USP9X: variants seen among roughly 807,000 people sequenced by gnomAD.
The protein encoded by USP9X is ubiquitin specific peptidase 9 X-linked.
In USP9X, 7 loss-of-function variants were observed where a neutral mutation model predicts 190.3. The observed-to-expected ratio is 0.04, with a 90% CI of 0.02 to 0.07. The LOEUF is 0.07. USP9X is among the 10% of genes least tolerant of loss of function. The pLI, the probability that USP9X is intolerant of heterozygous loss-of-function variation, is 1.00. For synonymous variants in USP9X, 645 were observed against 659.5 expected (o/e 0.98, Z 0.34); for missense variants, 1,010 against 1,916.9 (o/e 0.53, Z 8.83).
intron 1 of USP9X, among the ~76,000 whole-genome samples, chrX:41,089,531 T>C (rs1027803436): frequency 6.3e-5 from 7 of 111,805 alleles, no homozygotes; most frequent in Non-Finnish European, 1.3e-4. Flanking sequence ...GGTGATAGTT[T>C]AGTTGGTGCG....
At chrX:41,151,559 G>GA (rs1355405320) in intron 13 of USP9X, among the ~76,000 whole-genome samples, 2 of 112,191 alleles carry the variant, frequency 1.8e-5, no homozygotes, top group Non-Finnish European at 3.8e-5. Flanking sequence ...CTGATAACAT[G>GA]AAAAGGAAAA....
chrX:41,211,133 A>G (rs1286026580), intron 33 of USP9X, among the ~76,000 whole-genome samples: 1 of 111,842 alleles, frequency 8.9e-6, no homozygotes, highest in African/African-American at 3.2e-5. Flanking sequence ...CTGGGACTAC[A>G]GGCATGTGCC....
At chrX:41,214,274 C>T (rs1339560218) in intron 33 of USP9X, among the ~76,000 whole-genome samples, 2 of 111,809 alleles carry the variant, frequency 1.8e-5, no homozygotes, top group African/African-American at 6.5e-5. Context: ...GCTGTGAGCC[C>T]AGACAGATTC....
chrX:41,141,439 T>C lies in USP9X; in HGVS notation c.1161+8T>C. The C allele has an allele frequency of 8.6e-7, 1 of 1,160,558 alleles. No individual in the cohort carries two copies. The highest frequency in any genetic ancestry group is 2.2e-5 in the South Asian group (1 of 45,857). The stretch of plus-strand genomic sequence containing the variant: ...ACAGCTGAACGAATGGCAGTGAGTC[T>C]TTCAGTTCTTCTTCATAGGAATAAG... On this transcript the variant is annotated splice_region_variant and intron_variant, in intron 9 of 44. Transcript: ENST00000378308.
chrX:41,091,851 T>G (rs1206521895), intron 1 of USP9X, among the ~76,000 whole-genome samples: 1 of 112,131 alleles, frequency 8.9e-6, no homozygotes, highest in Non-Finnish European at 1.9e-5. Flanking sequence ...TATTAAATTC[T>G]CTGTAGTCAC....
At chrX:41,177,292 T>C (rs1602002987) in intron 21 of USP9X, among the ~76,000 whole-genome samples, 1 of 112,703 alleles carries the variant, frequency 8.9e-6, no homozygotes, top group African/African-American at 3.2e-5. Context: ...GGTTCATACA[T>C]TGCATAATTA....
chrX:41,184,762 A>C, intron 23 of USP9X, 87 bp downstream of exon 23: 1 of 807,811 alleles, frequency 1.2e-6, no homozygotes. Context: ...TGTAGAGTTC[A>C]AGGTTGACTC....
At chrX:41,177,874 C>G (rs998331364) in intron 21 of USP9X, among the ~76,000 whole-genome samples, 1 of 109,137 alleles carries the variant, frequency 9.2e-6, no homozygotes, top group African/African-American at 3.3e-5. Context: ...GCTCAATTGT[C>G]CTAGATATGG....
chrX:41,094,432 T>C (rs1379079717), intron 1 of USP9X, among the ~76,000 whole-genome samples: 1 of 109,489 alleles, frequency 9.1e-6, no homozygotes, highest in Non-Finnish European at 1.9e-5. Context: ...TGCCTCATCC[T>C]CCCAGAGTGC....
intron 1 of USP9X, among the ~76,000 whole-genome samples, chrX:41,114,486 CTT>C (rs1162608288): frequency 6.1e-5 from 6 of 97,644 alleles, no homozygotes; most frequent in Admixed American, 1.1e-4. Context: ...TTTCCCTTTT[CTT>C]TTTTTTTTTT....
chrX:41,131,319 T>C (rs2062314306), intron 3 of USP9X, 138 bp from the exon 4 acceptor site: 6 of 445,342 alleles, frequency 1.3e-5, no homozygotes, highest in Non-Finnish European at 6.7e-6. Context: ...TCTGCCAACC[T>C]TGTCTTAATA....
At chrX:41,182,410 CTCT>C (rs1428049438) in intron 21 of USP9X, among the ~76,000 whole-genome samples, 6 of 109,463 alleles carry the variant, frequency 5.5e-5, no homozygotes, top group Admixed American at 1.9e-4. Flanking sequence ...TTTTCTTGAG[CTCT>C]TCTTTTTTTT....
intron 39 of USP9X, among the ~76,000 whole-genome samples, chrX:41,224,190 CAGTG>C (rs1255107328): frequency 3.7e-5 from 4 of 108,781 alleles, no homozygotes; most frequent in African/African-American, 1.3e-4. Context: ...CTAGGTGACA[CAGTG>C]AGACCCTGTG....
At chrX:41,229,534 C>A (rs746853612) in intron 42 of USP9X, 33 bp from the exon 43 acceptor site, 5 of 1,196,524 alleles carry the variant, frequency 4.2e-6, no homozygotes, top group Non-Finnish European at 5.6e-6. Context: ...ATTCCAAATC[C>A]TCTTATCTAT....
intron 21 of USP9X, among the ~76,000 whole-genome samples, chrX:41,181,703 C>T (rs1444093371): frequency 1.8e-5 from 2 of 109,790 alleles, no homozygotes; most frequent in Non-Finnish European, 3.8e-5. Flanking sequence ...CCCACCTCCG[C>T]CTCCCTGAGT....
At chrX:41,231,051 T>G (rs1196457250) in intron 44 of USP9X, among the ~76,000 whole-genome samples, 3 of 111,767 alleles carry the variant, frequency 2.7e-5, no homozygotes, top group Non-Finnish European at 3.8e-5. Flanking sequence ...TTTCCATAGG[T>G]GATTAAAGTA....
At chrX:41,138,544 T>C (rs1047700677) in intron 6 of USP9X, among the ~76,000 whole-genome samples, 1 of 111,879 alleles carries the variant, frequency 8.9e-6, no homozygotes, top group Admixed American at 9.5e-5. Context: ...CTCTGGAGCT[T>C]TTGGTAGGTC....
intron 41 of USP9X, among the ~76,000 whole-genome samples, chrX:41,227,052 C>T (rs981628166): frequency 5.4e-5 from 6 of 111,985 alleles, no homozygotes; most frequent in African/African-American, 9.7e-5. Context: ...CAAAGACATA[C>T]GTGCTAGATT....
At chrX:41,189,216 T>A in intron 25 of USP9X, 93 bp from the exon 26 acceptor site, 1 of 944,263 alleles carries the variant, frequency 1.1e-6, no homozygotes, top group Non-Finnish European at 1.5e-6. Context: ...GTGGTTTAAG[T>A]GAGCAGATGA....
Sources: gnomAD v4.1 joint callset for allele counts (sites outside exome capture counted in the v4.1 genomes callset) on GRCh38, gnomAD v4.1.1 for gene constraint, MANE v1.5 for transcripts, NCBI Gene and HGNC (gene_info 2026-07-23, HGNC 2026-07-21) for gene names.